PADI1: variants seen among roughly 807,000 people sequenced by gnomAD.
PADI1 encodes the protein protein-arginine deiminase type-1.
Under a neutral mutation model 74.8 loss-of-function variants are expected in PADI1, and 65 were observed. The ratio of observed to expected loss-of-function variants is 0.87; its 90% confidence interval spans 0.71 to 1.07. The LOEUF is 1.07. Among genes scored for constraint, PADI1 ranks in the 50% least tolerant of loss-of-function variants. PADI1 has a pLI of 0.00. For synonymous variants in PADI1, 371 were observed against 336.2 expected (o/e 1.10, Z -1.13); for missense variants, 943 against 854.0 (o/e 1.10, Z -1.30).
rs549803635 is a variant in PADI1 at position 17,223,510 on chromosome 1, T to A, written c.274-111T>A. The A allele has an allele frequency of 1.8e-5, 15 of 846,196 alleles. No individual in the cohort carries two copies. The South Asian group carries it at 2.0e-4, about 11-fold the overall frequency. 52.4% of individuals were successfully genotyped at this position (846,196 alleles called of 1,614,324 possible). ...TGGGACTTCAGAGACTGGGGGGGTC[T>A]CCAGGCCTCCTGTGCCTCTAAGTAG... On this transcript the variant is annotated intron_variant, in intron 2 of 15. Transcript: ENST00000375471.
chr1:17,210,906 G>A (rs939851437), intron 1 of PADI1, among the ~76,000 whole-genome samples: 1 of 152,182 alleles, frequency 6.6e-6, no homozygotes, highest in African/African-American at 2.4e-5. Flanking sequence ...TTTTCCCCAG[G>A]GCCGTCTGCT....
At chr1:17,232,564 C>A (rs561071806) in intron 10 of PADI1, among the ~76,000 whole-genome samples, 1 of 152,316 alleles carries the variant, frequency 6.6e-6, no homozygotes, top group South Asian at 2.1e-4. Flanking sequence ...TCCATGGATT[C>A]TTTAGATGTA....
intron 2 of PADI1, among the ~76,000 whole-genome samples, chr1:17,223,275 A>G (rs1227927372): frequency 6.6e-6 from 1 of 152,168 alleles, no homozygotes; most frequent in African/African-American, 2.4e-5. Context: ...CGAGGCTTAG[A>G]GGAGCTGAGA....
chr1:17,234,336 C>T (rs1159946192), intron 11 of PADI1, among the ~76,000 whole-genome samples: 4 of 152,206 alleles, frequency 2.6e-5, no homozygotes, highest in African/African-American at 4.8e-5. Context: ...ATCTTTAAAA[C>T]GGGCCTGATG....
chr1:17,226,248 T>C lies in PADI1; in HGVS notation c.652+90T>C. 2 of 1,419,416 alleles carry C rather than the reference T, an allele frequency of 1.4e-6. 1 individual carries two copies. Among genetic ancestry groups the C allele is most frequent in the South Asian group, 2.5e-5 (2 of 80,282 alleles). 87.9% of individuals were successfully genotyped at this position (1,419,416 alleles called of 1,614,324 possible). A position where few individuals can be genotyped will look rare whatever the true frequency, so the allele number is the denominator to read the frequency against. ...TCTCTCTCTTTTTTTCCATCACCTT[T>C]TTGTAACTCTCATTACAGCTTACAA... On this transcript the variant is annotated intron_variant, in intron 6 of 15. Coordinates refer to ENST00000375471, the MANE Select transcript of PADI1 (RefSeq NM_013358.3).
At chr1:17,216,806 G>A (rs1025010014) in intron 1 of PADI1, among the ~76,000 whole-genome samples, 1 of 152,070 alleles carries the variant, frequency 6.6e-6, no homozygotes, top group African/African-American at 2.4e-5. Context: ...GGAGGCAGAG[G>A]TTGCAGTGAG....
intron 10 of PADI1, 28 bp from the exon 11 acceptor site, chr1:17,232,791 G>T (rs768270027): frequency 1.6e-5 from 25 of 1,596,172 alleles, no homozygotes; most frequent in Non-Finnish European, 1.9e-5. Flanking sequence ...TCCTTCTTGG[G>T]GTGGGGGTCT....
chr1:17,230,889 G>A (rs1348497655), intron 10 of PADI1, among the ~76,000 whole-genome samples: 3 of 152,208 alleles, frequency 2.0e-5, no homozygotes, highest in Non-Finnish European at 4.4e-5. Context: ...CAAATAGGCA[G>A]CAGCCTGATT....
chr1:17,218,776 G>A (rs2072048311), intron 1 of PADI1, among the ~76,000 whole-genome samples: 1 of 152,174 alleles, frequency 6.6e-6, no homozygotes, highest in Admixed American at 6.5e-5. Context: ...AGGGGAGAAG[G>A]GGCAAGGCCA....
chr1:17,222,245 A>C (rs762794354), intron 1 of PADI1, 45 bp from the exon 2 acceptor site: 2 of 1,480,270 alleles, frequency 1.4e-6, no homozygotes, highest in South Asian at 1.1e-5. Flanking sequence ...TCCCCTGAAG[A>C]GAGATGGGAA....
chr1:17,223,191 C>T (rs950053046), intron 2 of PADI1, among the ~76,000 whole-genome samples: 4 of 152,166 alleles, frequency 2.6e-5, no homozygotes, highest in East Asian at 3.9e-4. Context: ...TTCTGGACCA[C>T]GCTAAAAGCT....
At position 17,222,369 on chromosome 1, in the gene PADI1, C is replaced by T. The variant is rs780675324; in HGVS notation, c.172C>T (p.Arg58Cys). Residue 58 changes from arginine to cysteine, a missense_variant, in exon 2 of 16, where the codon CGT becomes TGT. Coordinates refer to ENST00000375471, the MANE Select transcript of PADI1 (RefSeq NM_013358.3). ...GGTCTTCATGGTCTACAACCGCACA[C>T]GTGTGAAAGAGCCCATAGGCAAGGC... Reference protein sequence around the residue: ...VEVFMVYNRTRVKEPIGKARW... With the variant: ...VEVFMVYNRTCVKEPIGKARW... The T allele has an allele frequency of 5.8e-5, 94 of 1,613,794 alleles. 1 individual carries two copies. Among genetic ancestry groups the T allele is most frequent in the South Asian group, 1.8e-4 (16 of 91,090 alleles).
At chr1:17,224,232 T>G in intron 3 of PADI1, 135 bp from the exon 4 acceptor site, 2 of 719,162 alleles carry the variant, frequency 2.8e-6, no homozygotes, top group Non-Finnish European at 4.9e-6. Context: ...CTCCCAAGTG[T>G]GGGGTCTGAC....
intron 3 of PADI1, among the ~76,000 whole-genome samples, chr1:17,223,998 G>A (rs574770134): frequency 1.3e-5 from 2 of 152,324 alleles, no homozygotes; most frequent in East Asian, 1.9e-4. Flanking sequence ...AGCACGGAAC[G>A]TGCCCCCTTC....
rs142550169 is a variant in PADI1 at position 17,218,897 on chromosome 1, G to A, written c.93-3393G>A. On this transcript the variant is annotated intron_variant, in intron 1 of 15. Transcript: ENST00000375471. ...AGGCATGGTCGTGGACTCAAAGGCA[G>A]GAGGGCTGGGAGATGAGGTGGTGGG... is the stretch of plus-strand genomic sequence containing the variant. Among the ~76,000 whole-genome samples the A allele has an allele frequency of 5.7e-3, 864 of 152,250 alleles. 8 individuals carry two copies. The highest frequency in any genetic ancestry group is 0.019 in the African/African-American group (770 of 41,530).
At chr1:17,212,377 C>T (rs2071856129) in intron 1 of PADI1, among the ~76,000 whole-genome samples, 1 of 149,508 alleles carries the variant, frequency 6.7e-6, no homozygotes, top group Non-Finnish European at 1.5e-5. Context: ...CCCCCTCCTG[C>T]CCCCACCACT....
rs145547811 is a variant in PADI1 at position 17,240,453 on chromosome 1, G to C, written c.1633-182G>C. ...TGGCACATCCTAGCCTTGTGCACTTGAGCAGGTTGCCTGAGCCTCAGTTTC... is the reference window on the plus strand; with the variant it reads ...TGGCACATCCTAGCCTTGTGCACTTCAGCAGGTTGCCTGAGCCTCAGTTTC... On this transcript the variant is annotated intron_variant, in intron 14 of 15. Coordinates refer to ENST00000375471, the MANE Select transcript of PADI1 (RefSeq NM_013358.3). 1.7e-3 allele frequency: 1,029 copies of C among 594,390 alleles called. 8 individuals are homozygous for C. In the African/African-American group the frequency reaches 0.018, roughly 10 times the overall value. The allele number at this position is 594,390 out of a possible 1,614,324, so 36.8% of individuals were successfully genotyped here. A position where few individuals can be genotyped will look rare whatever the true frequency, so the allele number is the denominator to read the frequency against.
At chr1:17,214,485 G>A (rs1032817219) in intron 1 of PADI1, among the ~76,000 whole-genome samples, 19 of 152,078 alleles carry the variant, frequency 1.2e-4, no homozygotes, top group African/African-American at 4.6e-4. Flanking sequence ...TAATGATTTG[G>A]CCTTTTTTAT....
At chr1:17,211,978 A>G (rs2071843660) in intron 1 of PADI1, among the ~76,000 whole-genome samples, 1 of 152,264 alleles carries the variant, frequency 6.6e-6, no homozygotes, top group African/African-American at 2.4e-5. Flanking sequence ...CCTGGTGCCC[A>G]GCATGGGACC....
Sources: allele counts gnomAD v4.1 joint callset (sites outside exome capture counted in the v4.1 genomes callset), GRCh38; gene constraint gnomAD v4.1.1; transcripts MANE v1.5; gene names NCBI Gene and HGNC (gene_info 2026-07-23, HGNC 2026-07-21).